Variants in TNRC6A observed in about 807,000 individuals in gnomAD.
The protein encoded by TNRC6A is trinucleotide repeat-containing gene 6A protein.
In TNRC6A, 44 loss-of-function variants were observed where a neutral mutation model predicts 221.2. That is an observed-to-expected ratio of 0.20 (90% CI 0.16 to 0.26). TNRC6A has a LOEUF of 0.26. Among genes scored for constraint, TNRC6A ranks in the 10% least tolerant of loss-of-function variants. The probability of loss-of-function intolerance (pLI) is 1.00; values close to 1 mark genes in which losing one functional copy is unlikely to be tolerated. For synonymous variants in TNRC6A, 847 were observed against 838.5 expected (o/e 1.01, Z -0.18); for missense variants, 2,199 against 2,404.4 (o/e 0.91, Z 1.79).
chr16:24,672,407 C>T (rs541896518), intron 2 of TNRC6A, among the ~76,000 whole-genome samples: 1 of 151,646 alleles, frequency 6.6e-6, no homozygotes, highest in African/African-American at 2.4e-5. Context: ...GGATTACAGG[C>T]GTGAGCCACC....
intron 8 of TNRC6A, chr16:24,795,676 T>A (rs1324809692): frequency 2.4e-6 from 1 of 409,130 alleles, no homozygotes; most frequent in Non-Finnish European, 4.4e-6. Flanking sequence ...CCTATTGCCT[T>A]GCCATATAGC....
intron 1 of TNRC6A, among the ~76,000 whole-genome samples, chr16:24,628,189 CGGGTGGATCACCTGA>C (rs949590835): frequency 5.9e-5 from 9 of 151,516 alleles, no homozygotes; most frequent in Non-Finnish European, 8.8e-5. Flanking sequence ...GAGGCCAAGG[CGGGTGGATCACCTGA>C]GGTCAGGAGT....
intron 1 of TNRC6A, among the ~76,000 whole-genome samples, chr16:24,626,843 G>T (rs573389448): frequency 6.6e-6 from 1 of 151,402 alleles, no homozygotes; most frequent in African/African-American, 2.4e-5. Context: ...AGTAGAGAGG[G>T]GGGTTTCACC....
intron 1 of TNRC6A, among the ~76,000 whole-genome samples, chr16:24,636,528 G>A (rs564901410): frequency 1.2e-4 from 18 of 152,122 alleles, no homozygotes; most frequent in Admixed American, 2.0e-4. Context: ...ATGCCACTGC[G>A]CCTGGTTTAT....
intron 11 of TNRC6A, chr16:24,803,642 G>A (rs1047098004): frequency 6.5e-6 from 1 of 152,702 alleles, no homozygotes; most frequent in Non-Finnish European, 1.5e-5. Flanking sequence ...GCTCATACCT[G>A]TAATCCTAGC....
At chr16:24,651,013 G>A (rs28788875) in intron 2 of TNRC6A, among the ~76,000 whole-genome samples, 33,310 of 151,942 alleles carry the variant, frequency 0.22, 3,763 homozygotes, top group African/African-American at 0.27. Context: ...GTGTAGCTCC[G>A]TGTAGATCTA....
Position 24,665,310 on chromosome 16 carries a change from A to G in TNRC6A, n.402+24301A>G, listed in dbSNP as rs118182155. On this transcript the variant is annotated intron_variant and non_coding_transcript_variant, in intron 2 of 2. Coordinates refer to the TNRC6A transcript ENST00000566108. Reference sequence around the variant, plus strand: ...GGCTGGTCTTAAACTCCTGACCTCAAGCAGTCTTCCTGCCTTTGTCTCCTA... The same window carrying G: ...GGCTGGTCTTAAACTCCTGACCTCAGGCAGTCTTCCTGCCTTTGTCTCCTA... Among the ~76,000 whole-genome samples, 18 of 152,186 alleles carry G rather than the reference A, an allele frequency of 1.2e-4. No homozygotes were observed. In the East Asian group the frequency reaches 3.5e-3, roughly 29 times the overall value.
chr16:24,641,244 C>T (rs989006570), intron 2 of TNRC6A, among the ~76,000 whole-genome samples: 10 of 152,200 alleles, frequency 6.6e-5, no homozygotes, highest in Non-Finnish European at 1.3e-4. Flanking sequence ...GGATTGAGCT[C>T]TGGCCCTATC....
At position 24,790,837 on chromosome 16, in the gene TNRC6A, C is replaced by G. The variant is rs751554494; in HGVS notation, c.2195C>G (p.Thr732Ser). 6.2e-7 allele frequency: 1 copy of G among 1,614,146 alleles called. No individual in the cohort carries two copies. The change falls in exon 6 of 25, where the codon ACT becomes AGT. Residue 732 changes from threonine to serine, a missense_variant. Coordinates refer to ENST00000395799, the MANE Select transcript of TNRC6A (RefSeq NM_014494.4). The stretch of plus-strand genomic sequence containing the variant: ...GGACAGACTCCTATTAAGCAGAATA[C>G]TGCCTGGGATACAGAAACATCACCT... ...GWGQTPIKQN[T>S]AWDTETSPRG...
intron 11 of TNRC6A, among the ~76,000 whole-genome samples, chr16:24,802,473 G>A (rs117396096): frequency 0.013 from 1,934 of 152,228 alleles, 23 homozygotes; most frequent in Middle Eastern, 0.02. Context: ...TGCTTGGGCC[G>A]GGGAGGCACA....
upstream of TNRC6A, among the ~76,000 whole-genome samples, chr16:24,725,684 T>C (rs2056478946): frequency 6.6e-6 from 1 of 152,014 alleles, no homozygotes; most frequent in Non-Finnish European, 1.5e-5. Context: ...TAGTTTGTAA[T>C]TATACACTTT....
At chr16:24,667,341 T>A (rs890999588) in intron 2 of TNRC6A, among the ~76,000 whole-genome samples, 2 of 152,122 alleles carry the variant, frequency 1.3e-5, no homozygotes, top group African/African-American at 4.8e-5. Flanking sequence ...CCTGGCCCCC[T>A]GCACATGGCA....
chr16:24,733,512 A>G (rs533199794), intron 2 of TNRC6A, among the ~76,000 whole-genome samples: 2 of 152,364 alleles, frequency 1.3e-5, no homozygotes, highest in African/African-American at 4.8e-5. Flanking sequence ...GGCGATTACC[A>G]TTAGAACTGA....
At chr16:24,641,964 C>T (rs144929448) in intron 2 of TNRC6A, among the ~76,000 whole-genome samples, 13 of 152,250 alleles carry the variant, frequency 8.5e-5, no homozygotes, top group South Asian at 4.1e-4. Flanking sequence ...TCAATTGACA[C>T]GGTATTAATC....
chr16:24,661,144 T>C (rs1157431730), intron 2 of TNRC6A, among the ~76,000 whole-genome samples: 1 of 152,080 alleles, frequency 6.6e-6, no homozygotes, highest in Non-Finnish European at 1.5e-5. Flanking sequence ...ATGAATTATG[T>C]AGCGATGAAT....
intron 5 of TNRC6A, among the ~76,000 whole-genome samples, chr16:24,787,743 C>G (rs2151843200): frequency 6.6e-6 from 1 of 152,320 alleles, no homozygotes; most frequent in African/African-American, 2.4e-5. Flanking sequence ...TCTCCAGTCA[C>G]TTTTCCAGAC....
intron 2 of TNRC6A, among the ~76,000 whole-genome samples, chr16:24,650,151 C>T (rs1902559107): frequency 6.6e-6 from 1 of 151,766 alleles, no homozygotes; most frequent in Non-Finnish European, 1.5e-5. Flanking sequence ...CTATTCTTGT[C>T]ATAGCACTAA....
At chr16:24,800,897 G>A (rs1016418312) in intron 11 of TNRC6A, among the ~76,000 whole-genome samples, 4 of 152,186 alleles carry the variant, frequency 2.6e-5, no homozygotes, top group South Asian at 2.1e-4. Context: ...CCTGTCTCTC[G>A]AGCTCCCTCT....
chr16:24,651,735 A>G (rs948476398), intron 2 of TNRC6A, among the ~76,000 whole-genome samples: 1 of 150,528 alleles, frequency 6.6e-6, no homozygotes, highest in South Asian at 2.2e-4. Flanking sequence ...TAAAAATAAA[A>G]AATAAAATAA....
Sources: gnomAD v4.1 joint callset for allele counts (sites outside exome capture counted in the v4.1 genomes callset) on GRCh38, gnomAD v4.1.1 for gene constraint, MANE v1.5 for transcripts, NCBI Gene and HGNC (gene_info 2026-07-23, HGNC 2026-07-21) for gene names.